Variants in ROS1 observed in about 807,000 individuals in gnomAD.
The protein encoded by ROS1 is proto-oncogene tyrosine-protein kinase ROS.
In ROS1, 263 loss-of-function variants were observed where a neutral mutation model predicts 273.5. The observed-to-expected ratio is 0.96, with a 90% confidence interval of 0.87 to 1.06. ROS1 has a LOEUF of 1.06. Ranked by LOEUF, ROS1 falls within the 50% of genes least tolerant of loss-of-function variation. The pLI, the probability that ROS1 is intolerant of heterozygous loss-of-function variation, is 0.00. For synonymous variants in ROS1, 1,008 were observed against 954.1 expected (o/e 1.06, Z -1.04); for missense variants, 2,833 against 2,751.1 (o/e 1.03, Z -0.67).
intron 43 of ROS1, among the ~76,000 whole-genome samples, chr6:117,289,427 T>C (rs1024504679): frequency 2.0e-5 from 3 of 152,212 alleles, no homozygotes; most frequent in Non-Finnish European, 4.4e-5. Flanking sequence ...AATTGAAATA[T>C]GAGGAAAATA....
chr6:117,380,010 A>C (rs1771986113), intron 17 of ROS1, among the ~76,000 whole-genome samples: 1 of 152,142 alleles, frequency 6.6e-6, no homozygotes, highest in Admixed American at 6.6e-5. Flanking sequence ...AATCCATGAG[A>C]TATGGCATAG....
rs997907235 is a variant in ROS1, at chr6:117,364,955, A to G, written c.3103+105T>C. ...TTGAAAGGGTATTGAATCTAAACACATCTATAAAACTGAAAGTTATTTTTA... is the reference window on the plus strand; with the variant it reads ...TTGAAAGGGTATTGAATCTAAACACGTCTATAAAACTGAAAGTTATTTTTA... On this transcript the variant is annotated intron_variant, in intron 21 of 43. Transcript: ENST00000368507. 3.7e-5 allele frequency: 41 copies of G among 1,109,464 alleles called. 1 individual carries two copies. The Middle Eastern group carries it at 4.8e-3, about 129-fold the overall frequency. 68.7% of individuals were successfully genotyped at this position (1,109,464 alleles called of 1,614,324 possible).
At chr6:117,387,454 T>G (rs1289003010) in intron 14 of ROS1, among the ~76,000 whole-genome samples, 1 of 152,162 alleles carries the variant, frequency 6.6e-6, no homozygotes, top group Non-Finnish European at 1.5e-5. Flanking sequence ...AGCAAGACCC[T>G]CAGAGTTCAG....
At position 117,409,287 on chromosome 6, in the gene ROS1, C is replaced by T. The variant is rs182089562; in HGVS notation, c.316+295G>A. Among the ~76,000 whole-genome samples, 10 of 152,146 alleles carry T rather than the reference C, an allele frequency of 6.6e-5. No individual in the cohort carries two copies. The East Asian group carries it at 1.4e-3, about 21-fold the overall frequency. Reference sequence around the variant, plus strand: ...TGACATCAAGTCTGCTCAGGATGTACATTTGTCTGTCATTAAGAGAGAAGT... The same window carrying T: ...TGACATCAAGTCTGCTCAGGATGTATATTTGTCTGTCATTAAGAGAGAAGT... On this transcript the variant is annotated intron_variant, in intron 5 of 43. Coordinates refer to ENST00000368507, the MANE Select transcript of ROS1 (RefSeq NM_001378902.1).
At chr6:117,308,566 A>G (rs1345806033) in intron 42 of ROS1, among the ~76,000 whole-genome samples, 5 of 152,022 alleles carry the variant, frequency 3.3e-5, no homozygotes, top group African/African-American at 1.2e-4. Context: ...GAAGTATTTT[A>G]CTCTCCAAAA....
intron 6 of ROS1, 106 bp downstream of exon 6, chr6:117,404,174 T>A (rs947415580): frequency 2.7e-5 from 28 of 1,024,848 alleles, no homozygotes; most frequent in African/African-American, 8.3e-5. Flanking sequence ...TAAGCTGAGA[T>A]CGCGCCACTG....
intron 32 of ROS1, among the ~76,000 whole-genome samples, chr6:117,329,665 G>A (rs1447195981): frequency 2.0e-5 from 3 of 152,020 alleles, no homozygotes; most frequent in Non-Finnish European, 4.4e-5. Flanking sequence ...ATCTAGATTC[G>A]CTCATCAAAA....
intron 18 of ROS1, among the ~76,000 whole-genome samples, chr6:117,371,484 T>G (rs1780764769): frequency 6.6e-6 from 1 of 152,154 alleles, no homozygotes; most frequent in African/African-American, 2.4e-5. Flanking sequence ...TGGGGAGGGC[T>G]GCCAGTGTAA....
At chr6:117,392,093 T>A (rs1773113499) in intron 12 of ROS1, among the ~76,000 whole-genome samples, 1 of 152,232 alleles carries the variant, frequency 6.6e-6, no homozygotes, top group Admixed American at 6.5e-5. Flanking sequence ...TCATTTTGTG[T>A]AAGTGTCAAC....
chr6:117,416,502 C>T (rs572515495), intron 2 of ROS1, among the ~76,000 whole-genome samples, 185 bp from the exon 3 acceptor site: 34 of 152,332 alleles, frequency 2.2e-4, no homozygotes, highest in African/African-American at 7.5e-4. Context: ...GTCCTATCTA[C>T]AGGTAGAACA....
chr6:117,373,421 C>T (rs943089409), intron 18 of ROS1, among the ~76,000 whole-genome samples: 1 of 152,262 alleles, frequency 6.6e-6, no homozygotes, highest in Non-Finnish European at 1.5e-5. Flanking sequence ...AGGTCCCGAG[C>T]CTTGCCCCGC....
intron 40 of ROS1, 88 bp from the exon 41 acceptor site, chr6:117,310,369 G>T: frequency 1.1e-6 from 1 of 931,724 alleles, no homozygotes; most frequent in Non-Finnish European, 1.6e-6. Flanking sequence ...GGTCTGTAAA[G>T]AAGAGAAACT....
At position 117,307,097 on chromosome 6, in the gene ROS1, C is replaced by T. The variant is rs1183715173; in HGVS notation, c.6551+1697G>A. Among the ~76,000 whole-genome samples the T allele has an allele frequency of 5.3e-5, 8 of 152,234 alleles. No individual in the cohort carries two copies. The South Asian group carries it at 6.2e-4, about 12-fold the overall frequency. On this transcript the variant is annotated intron_variant, in intron 42 of 43. Transcript: ENST00000368507. ...CTCATAATCAGGAATACTTTTCTAGCACTGCTCCTTCCTCCTTCTAGTTGC... is the reference window on the plus strand; with the variant it reads ...CTCATAATCAGGAATACTTTTCTAGTACTGCTCCTTCCTCCTTCTAGTTGC...
At chr6:117,385,340 A>C (rs898897890) in intron 16 of ROS1, among the ~76,000 whole-genome samples, 3 of 152,280 alleles carry the variant, frequency 2.0e-5, no homozygotes, top group East Asian at 3.9e-4. Context: ...AGATCTCTTG[A>C]GGTCAGGAGT....
chr6:117,362,459 C>T, intron 22 of ROS1, 144 bp downstream of exon 22: 1 of 659,896 alleles, frequency 1.5e-6, no homozygotes, highest in Non-Finnish European at 2.4e-6. Flanking sequence ...AATTTTCTCA[C>T]ATAATTTTAA....
chr6:117,377,447 T>G (rs1021526725), intron 18 of ROS1, among the ~76,000 whole-genome samples: 3 of 151,802 alleles, frequency 2.0e-5, no homozygotes, highest in African/African-American at 7.3e-5. Context: ...AGCAACTAAA[T>G]AAAGAAAGAG....
At position 117,365,463 on chromosome 6, in the gene ROS1, G is replaced by GAATCTTAAT. The variant is rs1780136094; in HGVS notation, c.2958+117_2958+118insATTAAGATT. 4.4e-6 allele frequency: 4 copies of GAATCTTAAT among 903,388 alleles called. No homozygotes were observed. The African/African-American group carries it at 6.7e-5, about 15-fold the overall frequency. 56.0% of individuals were successfully genotyped at this position (903,388 alleles called of 1,614,324 possible). ...ATAATCTTAATGACCAAATGCTATG[G>GAATCTTAAT]GAATGACAAAGAAGATGGGCTTGGC... On this transcript the variant is annotated intron_variant, in intron 20 of 43. Transcript: ENST00000368507.
intron 26 of ROS1, among the ~76,000 whole-genome samples, chr6:117,356,314 C>G (rs530055394): frequency 6.6e-6 from 1 of 152,186 alleles, no homozygotes; most frequent in Admixed American, 6.5e-5. Context: ...TTAGTACCTA[C>G]TGCACTGAGG....
intron 43 of ROS1, among the ~76,000 whole-genome samples, 170 bp downstream of exon 43, chr6:117,300,804 T>C (rs1774657893): frequency 6.6e-6 from 1 of 152,200 alleles, no homozygotes; most frequent in Admixed American, 6.5e-5. Context: ...TAGTGCATAA[T>C]ACAAATAATT....
Sources: allele counts gnomAD v4.1 joint callset (sites outside exome capture counted in the v4.1 genomes callset), GRCh38; gene constraint gnomAD v4.1.1; transcripts MANE v1.5; gene names NCBI Gene and HGNC (gene_info 2026-07-23, HGNC 2026-07-21).